The following SGCZ variants were observed in gnomAD, a reference collection of about 807,000 sequenced individuals.
The protein encoded by SGCZ is zeta-sarcoglycan.
SGCZ carries 40 observed loss-of-function variants against 41.3 expected under a neutral mutation model. That is an observed-to-expected ratio of 0.97 (90% CI 0.75 to 1.26). The LOEUF (loss-of-function observed/expected upper bound fraction) is 1.26, where lower values mean the gene tolerates loss of function less well. Ranked by LOEUF, SGCZ falls within the 50% of genes most tolerant of loss-of-function variation. The probability of loss-of-function intolerance (pLI) is 0.00; values close to 1 mark genes in which losing one functional copy is unlikely to be tolerated. For synonymous variants in SGCZ, 206 were observed against 137.5 expected (o/e 1.50, Z -3.49); for missense variants, 552 against 369.8 (o/e 1.49, Z -4.04).
intron 1 of SGCZ, among the ~76,000 whole-genome samples, chr8:14,811,562 C>G (rs1396732014): frequency 7.9e-6 from 1 of 127,078 alleles, no homozygotes; most frequent in African/African-American, 2.9e-5. Context: ...TCACACTCCA[C>G]TCCTTATAGT....
intron 2 of SGCZ, among the ~76,000 whole-genome samples, chr8:14,371,551 T>C (rs1585417499): frequency 1.3e-5 from 2 of 152,206 alleles, no homozygotes; most frequent in East Asian, 3.9e-4. Context: ...TTTTGGGGCA[T>C]TCTAAGATGA....
chr8:14,377,582 G>C (rs1165205611), intron 2 of SGCZ, among the ~76,000 whole-genome samples: 1 of 151,462 alleles, frequency 6.6e-6, no homozygotes, highest in African/African-American at 2.4e-5. Context: ...ACATTGTGCA[G>C]GTTAGTTACA....
chr8:14,484,976 A>G (rs537949336), intron 2 of SGCZ, among the ~76,000 whole-genome samples: 1 of 152,340 alleles, frequency 6.6e-6, no homozygotes, highest in East Asian at 1.9e-4. Context: ...TTACCCTGAA[A>G]TAATACACTT....
intron 1 of SGCZ, among the ~76,000 whole-genome samples, chr8:14,607,346 T>C (rs1471729276): frequency 1.3e-5 from 2 of 152,190 alleles, no homozygotes; most frequent in Non-Finnish European, 2.9e-5. Context: ...TGAATTACGA[T>C]CATCACTGCT....
intron 3 of SGCZ, among the ~76,000 whole-genome samples, chr8:14,313,345 A>T (rs537965818): frequency 2.1e-4 from 32 of 152,110 alleles, no homozygotes; most frequent in African/African-American, 7.7e-4. Context: ...TGAGACACAG[A>T]CTCGCTCTCC....
intron 2 of SGCZ, among the ~76,000 whole-genome samples, chr8:14,426,167 G>C (rs1353559980): frequency 6.6e-6 from 1 of 152,072 alleles, no homozygotes; most frequent in Non-Finnish European, 1.5e-5. Flanking sequence ...TAAAAAATAA[G>C]CAAATTTATC....
At chr8:15,111,164 A>T (rs1382791785) in intron 1 of SGCZ, among the ~76,000 whole-genome samples, 1 of 152,034 alleles carries the variant, frequency 6.6e-6, no homozygotes, top group Non-Finnish European at 1.5e-5. Context: ...CACTATTTTC[A>T]TAAACATGAC....
At chr8:14,202,332 G>A (rs904495101) in intron 4 of SGCZ, among the ~76,000 whole-genome samples, 3 of 152,100 alleles carry the variant, frequency 2.0e-5, no homozygotes, top group Non-Finnish European at 4.4e-5. Flanking sequence ...CAGTCCTGCT[G>A]ACATCTTGAT....
chr8:14,617,309 A>G (rs1391357638), intron 1 of SGCZ, among the ~76,000 whole-genome samples: 1 of 152,178 alleles, frequency 6.6e-6, no homozygotes, highest in Admixed American at 6.5e-5. Context: ...GTGATTTGAT[A>G]ATATGTGCAA....
At chr8:14,387,493 C>G (rs1421143654) in intron 2 of SGCZ, among the ~76,000 whole-genome samples, 1 of 152,150 alleles carries the variant, frequency 6.6e-6, no homozygotes, top group Non-Finnish European at 1.5e-5. Context: ...CATTCATTCA[C>G]TGTAATTACA....
intron 2 of SGCZ, among the ~76,000 whole-genome samples, chr8:14,465,990 A>G (rs1801038669): frequency 6.6e-6 from 1 of 151,958 alleles, no homozygotes; most frequent in South Asian, 2.1e-4. Context: ...CAAACAGTAG[A>G]GTTATAAAAT....
intron 1 of SGCZ, among the ~76,000 whole-genome samples, chr8:14,970,478 C>T (rs1435411598): frequency 6.6e-6 from 1 of 152,060 alleles, no homozygotes; most frequent in East Asian, 1.9e-4. Context: ...GTCTATGATA[C>T]ATGCTGAATT....
chr8:14,740,729 A>G (rs1052775055), intron 1 of SGCZ, among the ~76,000 whole-genome samples: 91 of 152,036 alleles, frequency 6.0e-4, no homozygotes, highest in African/African-American at 2.1e-3. Flanking sequence ...GAATAAAATT[A>G]TCTATTTAAT....
chr8:14,630,801 C>T (rs1452835060), intron 1 of SGCZ, among the ~76,000 whole-genome samples: 3 of 142,374 alleles, frequency 2.1e-5, no homozygotes, highest in Non-Finnish European at 3.0e-5. Flanking sequence ...TGTTCTCACT[C>T]ATAGGTGGGA....
chr8:15,225,312 A>G (rs1801731300), intron 1 of SGCZ, among the ~76,000 whole-genome samples: 2 of 152,202 alleles, frequency 1.3e-5, no homozygotes, highest in Admixed American at 1.3e-4. Flanking sequence ...GGAACACAAA[A>G]AAAAAGATAT....
At chr8:14,594,669 G>A (rs10101170) in intron 1 of SGCZ, among the ~76,000 whole-genome samples, 73,967 of 151,664 alleles carry the variant, frequency 0.49, 19,774 homozygotes, top group Non-Finnish European at 0.61. Flanking sequence ...CTCTAAAAGG[G>A]CATGGGTTAC....
intron 1 of SGCZ, among the ~76,000 whole-genome samples, chr8:15,059,349 A>T (rs1804833318): frequency 6.6e-6 from 1 of 152,202 alleles, no homozygotes; most frequent in Non-Finnish European, 1.5e-5. Flanking sequence ...CATGAACTCA[A>T]GTTGGCACTT....
At chr8:14,129,515 C>G (rs2117054218) in intron 5 of SGCZ, among the ~76,000 whole-genome samples, 1 of 151,480 alleles carries the variant, frequency 6.6e-6, no homozygotes, top group African/African-American at 2.4e-5. Flanking sequence ...TAAAAAGAGA[C>G]AAATGAAAAC....
At chr8:14,262,716 C>T (rs1385650870) in intron 3 of SGCZ, among the ~76,000 whole-genome samples, 1 of 151,432 alleles carries the variant, frequency 6.6e-6, no homozygotes, top group Admixed American at 6.6e-5. Context: ...CAAAAATCAT[C>T]TACCATCATC....
Sources: allele counts gnomAD v4.1 joint callset (sites outside exome capture counted in the v4.1 genomes callset), GRCh38; gene constraint gnomAD v4.1.1; transcripts MANE v1.5; gene names NCBI Gene and HGNC (gene_info 2026-07-23, HGNC 2026-07-21).